ART3: variants seen among roughly 807,000 people sequenced by gnomAD.
ART3 encodes ecto-ADP-ribosyltransferase 3.
Under a neutral mutation model 48.5 loss-of-function variants are expected in ART3, and 49 were observed. That is an observed-to-expected ratio of 1.01 (90% CI 0.80 to 1.28). The LOEUF (loss-of-function observed/expected upper bound fraction) is 1.28, where lower values mean the gene tolerates loss of function less well. Ranked by LOEUF, ART3 falls within the 50% of genes most tolerant of loss-of-function variation. ART3 has a pLI of 0.00. For missense variants in ART3, 438 were observed against 454.3 expected (o/e 0.96, Z 0.33); for synonymous variants, 145 against 157.2 (o/e 0.92, Z 0.58).
chr4:76,046,692 T>C (rs1214695992), intron 1 of ART3, among the ~76,000 whole-genome samples: 2 of 151,960 alleles, frequency 1.3e-5, no homozygotes, highest in Admixed American at 6.6e-5. Context: ...TTTTTCCCCA[T>C]ATTCATGTAG....
At chr4:76,072,974 A>G (rs780512324), upstream of ART3, among the ~76,000 whole-genome samples, 1 of 152,178 alleles carries the variant, frequency 6.6e-6, no homozygotes, top group Non-Finnish European at 1.5e-5. Context: ...CAAACACTCC[A>G]TGCGCTCCTA....
intron 2 of ART3, among the ~76,000 whole-genome samples, chr4:76,076,840 GA>G (rs765751173): frequency 1.3e-5 from 2 of 151,850 alleles, no homozygotes; most frequent in Non-Finnish European, 2.9e-5. Context: ...TATTTCACTT[GA>G]TTTTTTTTCC....
chr4:76,112,695 A>G lies in ART3; in HGVS notation c.*176A>G. ...GAAAGTTGGTCCAGATATATGTCAC[A>G]GAACTTTTCACTTGTATACTACTCT... On this transcript the variant is annotated 3_prime_UTR_variant, in exon 12 of 12. Transcript: ENST00000355810. The G allele has an allele frequency of 1.5e-6, 1 of 650,788 alleles. No individual in the cohort carries two copies. The highest frequency in any genetic ancestry group is 2.4e-6 in the Non-Finnish European group (1 of 418,388). 40.3% of individuals were successfully genotyped at this position (650,788 alleles called of 1,614,324 possible).
intron 1 of ART3, among the ~76,000 whole-genome samples, chr4:76,056,433 T>C (rs987288914): frequency 6.6e-6 from 1 of 152,156 alleles, no homozygotes; most frequent in Non-Finnish European, 1.5e-5. Flanking sequence ...TTGAACATAT[T>C]CTAAAACTAA....
At chr4:76,035,203 G>T (rs747019137) in intron 1 of ART3, 2 of 1,614,044 alleles carry the variant, frequency 1.2e-6, no homozygotes, top group South Asian at 2.2e-5. Flanking sequence ...TCTTCAGCAA[G>T]TTCATTACTT....
intron 3 of ART3, among the ~76,000 whole-genome samples, chr4:76,094,293 T>C (rs899816504): frequency 6.6e-6 from 1 of 152,232 alleles, no homozygotes; most frequent in African/African-American, 2.4e-5. Flanking sequence ...ACAGTTGTAA[T>C]GACTACTTTA....
At chr4:76,065,427 G>T (rs1405953611) in intron 1 of ART3, among the ~76,000 whole-genome samples, 1 of 152,100 alleles carries the variant, frequency 6.6e-6, no homozygotes, top group Non-Finnish European at 1.5e-5. Flanking sequence ...GACATGGGGA[G>T]AATGTACAAA....
intron 11 of ART3, among the ~76,000 whole-genome samples, chr4:76,110,120 T>A (rs1229212688): frequency 6.7e-6 from 1 of 150,254 alleles, no homozygotes; most frequent in Non-Finnish European, 1.5e-5. Flanking sequence ...ATTTTTTTTT[T>A]ATCATCTTGC....
rs149325326 is a variant in ART3 at position 76,082,102 on chromosome 4, T to C, written c.348T>C (p.Ser116=). ...QEQTPFYHLF[S]EAVKMAGQSR... ...AAACTCCCTTTTACCATCTGTTCAG[T>C]GAAGCTGTGAAGATGGCTGGCCAAT... The change falls in exon 3 of 12, where the codon AGT becomes AGC. Residue 116 remains serine, a synonymous_variant. Transcript: ENST00000355810. 79 of 1,614,224 alleles carry C rather than the reference T, an allele frequency of 4.9e-5. No homozygotes were observed. In the African/African-American group the frequency reaches 9.1e-4, roughly 19 times the overall value.
chr4:76,033,570 C>T (rs759195841), intron 1 of ART3: 1 of 152,116 alleles, frequency 6.6e-6, no homozygotes, highest in African/African-American at 2.4e-5. Context: ...CCCACCTACC[C>T]ATTAAAATAT....
chr4:76,092,971 C>T (rs376943237), intron 3 of ART3, among the ~76,000 whole-genome samples: 6 of 152,292 alleles, frequency 3.9e-5, no homozygotes, highest in African/African-American at 1.4e-4. Context: ...TTTCAGAAGC[C>T]TGACATAAGT....
At chr4:76,104,271 A>C (rs1727982222) in intron 9 of ART3, 1 of 858,300 alleles carries the variant, frequency 1.2e-6, no homozygotes, top group Non-Finnish European at 1.4e-6. Flanking sequence ...CTACAGCTAA[A>C]GTTATTCAAT....
chr4:76,015,350 C>G (rs1029180603), intron 1 of ART3, among the ~76,000 whole-genome samples: 6 of 152,162 alleles, frequency 3.9e-5, no homozygotes, highest in Non-Finnish European at 5.9e-5. Context: ...GGTATTCAAA[C>G]TAGGATGTTA....
At chr4:76,050,129 T>C (rs961933689) in intron 1 of ART3, among the ~76,000 whole-genome samples, 4 of 151,324 alleles carry the variant, frequency 2.6e-5, no homozygotes, top group African/African-American at 9.7e-5. Context: ...ACCCAAAGAG[T>C]GAGCAGCAGC....
At chr4:76,080,185 A>T (rs1161491188) in intron 2 of ART3, among the ~76,000 whole-genome samples, 1 of 152,216 alleles carries the variant, frequency 6.6e-6, no homozygotes, top group African/African-American at 2.4e-5. Context: ...TCCATAAGCC[A>T]GAGTACAGGG....
chr4:76,035,304 C>T (rs1734272401), intron 1 of ART3: 2 of 1,614,030 alleles, frequency 1.2e-6, no homozygotes, highest in Non-Finnish European at 8.5e-7. Context: ...ACCCCAGGGC[C>T]TATGCAAAGA....
chr4:76,042,748 A>T (rs1279535511), intron 1 of ART3, among the ~76,000 whole-genome samples: 9 of 152,184 alleles, frequency 5.9e-5, no homozygotes, highest in African/African-American at 1.9e-4. Context: ...AGCTCATAAA[A>T]GCAGTGTGGA....
In ART3 at chr4:76,086,597, G is replaced by A. The variant is rs59732112; in HGVS notation, c.781+4062G>A. ...GTATTTTACTTAAATAAGGATTTTA[G>A]CTCTCTTGCTACATATACAAAAATA... On this transcript the variant is annotated intron_variant, in intron 3 of 11. Transcript: ENST00000355810. 1.0e-2 allele frequency among the ~76,000 whole-genome samples: 1,516 copies of A among 152,254 alleles called. 24 individuals carry two copies. The highest frequency in any genetic ancestry group is 0.033 in the African/African-American group (1,359 of 41,544).
At chr4:76,040,324 C>G (rs767051995) in intron 1 of ART3, among the ~76,000 whole-genome samples, 2 of 151,670 alleles carry the variant, frequency 1.3e-5, no homozygotes, top group Non-Finnish European at 2.9e-5. Flanking sequence ...GACTCCGTCT[C>G]AAAAAAACAA....
Sources: gnomAD v4.1 joint callset for allele counts (sites outside exome capture counted in the v4.1 genomes callset) on GRCh38, gnomAD v4.1.1 for gene constraint, MANE v1.5 for transcripts, NCBI Gene and HGNC (gene_info 2026-07-23, HGNC 2026-07-21) for gene names.